Variants in ANO1 observed in about 807,000 individuals in gnomAD.
ANO1 encodes anoctamin 1.
A neutral mutation model predicts 124.0 loss-of-function variants in ANO1; 59 were observed. The ratio of observed to expected loss-of-function variants is 0.48; its 90% confidence interval spans 0.39 to 0.59. ANO1 has a LOEUF of 0.59. Ranked by LOEUF, ANO1 falls within the 20% of genes least tolerant of loss-of-function variation. ANO1 has a pLI of 0.00. For missense variants in ANO1, 1,059 were observed against 1,328.0 expected (o/e 0.80, Z 3.15); for synonymous variants, 529 against 532.0 (o/e 0.99, Z 0.08).
At chr11:69,986,857 G>T (rs1856053021) in intron 1 of ANO1, among the ~76,000 whole-genome samples, 1 of 152,106 alleles carries the variant, frequency 6.6e-6, no homozygotes, top group African/African-American at 2.4e-5. Flanking sequence ...CCTAAGAGTG[G>T]GATAGTGACA....
intron 22 of ANO1, among the ~76,000 whole-genome samples, chr11:70,179,219 C>T (rs1484162786): frequency 6.6e-6 from 1 of 152,232 alleles, no homozygotes; most frequent in Non-Finnish European, 1.5e-5. Flanking sequence ...GAGCAGGCCC[C>T]AGGATTGGGC....
intron 19 of ANO1, among the ~76,000 whole-genome samples, chr11:70,164,838 G>C (rs571552095): frequency 7.9e-5 from 12 of 152,298 alleles, no homozygotes; most frequent in Non-Finnish European, 1.3e-4. Flanking sequence ...GGACCGGCCA[G>C]TGGCCCTGGA....
intron 22 of ANO1, among the ~76,000 whole-genome samples, chr11:70,172,177 A>G (rs1345245055): frequency 6.6e-6 from 1 of 151,714 alleles, no homozygotes; most frequent in African/African-American, 2.4e-5. Context: ...TAATAGTCAG[A>G]GGTGTCAAAA....
intron 1 of ANO1, among the ~76,000 whole-genome samples, chr11:70,070,459 G>C (rs1480835726): frequency 6.6e-6 from 1 of 152,116 alleles, no homozygotes; most frequent in Non-Finnish European, 1.5e-5. Flanking sequence ...AAGGTGGGCG[G>C]GTCACCTGAG....
At chr11:70,187,665 G>A (rs1178483137) in intron 25 of ANO1, 73 bp from the exon 26 acceptor site, 2 of 1,513,488 alleles carry the variant, frequency 1.3e-6, no homozygotes, top group African/African-American at 2.7e-5. Flanking sequence ...CCAGATGGGG[G>A]CCAGGCAGAG....
intron 5 of ANO1, among the ~76,000 whole-genome samples, chr11:70,108,034 GACA>G (rs1255004315): frequency 2.6e-5 from 4 of 152,272 alleles, no homozygotes; most frequent in African/African-American, 9.6e-5. Flanking sequence ...TGTGACACAG[GACA>G]CCAGCACTAG....
intron 2 of ANO1, among the ~76,000 whole-genome samples, chr11:70,090,131 CT>C (rs1450698260): frequency 5.3e-5 from 8 of 152,226 alleles, no homozygotes; most frequent in African/African-American, 1.9e-4. Flanking sequence ...ACGCCTTCTC[CT>C]GCCTCAGCGG....
intron 1 of ANO1, among the ~76,000 whole-genome samples, chr11:70,016,659 C>T (rs574391358): frequency 6.6e-6 from 1 of 152,352 alleles, no homozygotes; most frequent in East Asian, 1.9e-4. Context: ...TCAGTGGCAG[C>T]CTCATTTGTC....
rs368980516 is a variant in ANO1, at chr11:70,126,094, C to T, written c.996C>T (p.Phe332=). The T allele has an allele frequency of 4.0e-5, 65 of 1,612,510 alleles. No individual in the cohort carries two copies. Among genetic ancestry groups the T allele is most frequent in the Non-Finnish European group, 5.5e-5 (65 of 1,179,234 alleles). The part of the protein sequence containing the change: ...KYFGEKIGLY[F]AWLGVYTQML... The stretch of plus-strand genomic sequence containing the variant: ...TTGGGGAGAAGATCGGCCTGTACTT[C>T]GCCTGGCTGGGCGTGTACACCCAGA... Residue 332 remains phenylalanine (F), a synonymous_variant, in exon 10 of 26, where the codon TTC becomes TTT. Coordinates refer to ENST00000355303, the MANE Select transcript of ANO1 (RefSeq NM_018043.7).
At chr11:70,095,366 GAAAGAA>G (rs1421705281) in intron 2 of ANO1, among the ~76,000 whole-genome samples, 1 of 24,484 alleles carries the variant, frequency 4.1e-5, no homozygotes. Context: ...AAGAAAGAAA[GAAAGAA>G]AGAAAGAAAG....
chr11:70,093,355 A>C (rs1246857461), intron 2 of ANO1, among the ~76,000 whole-genome samples: 1 of 147,792 alleles, frequency 6.8e-6, no homozygotes, highest in Non-Finnish European at 1.5e-5. Flanking sequence ...TTTGACAGCC[A>C]TGGGGTCAGC....
chr11:70,174,997 G>A lies in ANO1; in HGVS notation c.2350+3958G>A, dbSNP rs553363032. Among the ~76,000 whole-genome samples the A allele has an allele frequency of 1.1e-3, 170 of 152,212 alleles. 3 individuals are homozygous for A. Among genetic ancestry groups the A allele is most frequent in the African/African-American group, 3.9e-3 (160 of 41,538 alleles). ...ACAAAGGCCTGATGCTCAGGCAGCCGACAGTACCCCACCCCCGCCCGCCAC... is the reference window on the plus strand; with the variant it reads ...ACAAAGGCCTGATGCTCAGGCAGCCAACAGTACCCCACCCCCGCCCGCCAC... On this transcript the variant is annotated intron_variant, in intron 22 of 25. Transcript: ENST00000355303.
intron 1 of ANO1, among the ~76,000 whole-genome samples, chr11:70,073,215 C>A (rs908475139): frequency 1.3e-5 from 2 of 149,756 alleles, no homozygotes; most frequent in Non-Finnish European, 3.0e-5. Context: ...GGGAGTCCGA[C>A]CCTGTCCCCC....
chr11:70,087,014 C>A (rs1336228333), intron 1 of ANO1, among the ~76,000 whole-genome samples: 1 of 152,240 alleles, frequency 6.6e-6, no homozygotes, highest in East Asian at 1.9e-4. Context: ...GATTTGCACG[C>A]ACAGAACCTG....
intron 1 of ANO1, among the ~76,000 whole-genome samples, chr11:69,988,557 G>A (rs76723398): frequency 2.0e-3 from 301 of 152,188 alleles, no homozygotes; most frequent in African/African-American, 7.0e-3. Context: ...AAGTCACACC[G>A]AGTGCTCTGT....
chr11:70,169,660 C>T (rs1285988993), intron 21 of ANO1, among the ~76,000 whole-genome samples: 1 of 152,188 alleles, frequency 6.6e-6, no homozygotes, highest in East Asian at 1.9e-4. Flanking sequence ...CCAGGGGCCT[C>T]AGGCAGGACC....
intron 1 of ANO1, among the ~76,000 whole-genome samples, chr11:70,037,821 G>T (rs1325439580): frequency 6.6e-6 from 1 of 152,126 alleles, no homozygotes; most frequent in Non-Finnish European, 1.5e-5. Flanking sequence ...ATCAACCCCT[G>T]GGATGAGCAC....
At chr11:70,011,396 A>G (rs2120354726) in intron 1 of ANO1, among the ~76,000 whole-genome samples, 1 of 152,266 alleles carries the variant, frequency 6.6e-6, no homozygotes, top group Admixed American at 6.5e-5. Flanking sequence ...CTCACACAGG[A>G]GCACCCTTTG....
At chr11:69,998,873 A>G (rs1856326210) in intron 1 of ANO1, among the ~76,000 whole-genome samples, 1 of 151,998 alleles carries the variant, frequency 6.6e-6, no homozygotes, top group Non-Finnish European at 1.5e-5. Context: ...GCTTGAACCC[A>G]GGAGGTGGAG....
Sources: allele counts gnomAD v4.1 joint callset (sites outside exome capture counted in the v4.1 genomes callset), GRCh38; gene constraint gnomAD v4.1.1; transcripts MANE v1.5; gene names NCBI Gene and HGNC (gene_info 2026-07-23, HGNC 2026-07-21).